CLIP1: variants seen among roughly 807,000 people sequenced by gnomAD.
CLIP1 encodes CAP-Gly domain containing linker protein 1, also known as CAP-Gly domain-containing linker protein 1.
Under a neutral mutation model 161.6 loss-of-function variants are expected in CLIP1, and 66 were observed. That is an observed-to-expected ratio of 0.41 (90% CI 0.33 to 0.50). The LOEUF (loss-of-function observed/expected upper bound fraction) is 0.50. Ranked by LOEUF, CLIP1 falls within the 20% of genes least tolerant of loss-of-function variation. The pLI, the probability that CLIP1 is intolerant of heterozygous loss-of-function variation, is 0.27. For missense variants in CLIP1, 1,376 were observed against 1,702.0 expected, an observed-to-expected ratio of 0.81 and a Z score of 3.37; for synonymous variants, 598 against 626.2, an observed-to-expected ratio of 0.96 and a Z score of 0.67.
intron 20 of CLIP1, among the ~76,000 whole-genome samples, chr12:122,307,362 G>C (rs2136481831): frequency 6.6e-6 from 1 of 152,120 alleles, no homozygotes; most frequent in East Asian, 1.9e-4. Context: ...TATCTCTGAG[G>C]TAGGTTGTGA....
At chr12:122,314,858 C>A (rs1951201741) in intron 19 of CLIP1, among the ~76,000 whole-genome samples, 1 of 152,176 alleles carries the variant, frequency 6.6e-6, no homozygotes, top group Admixed American at 6.5e-5. Context: ...GTCATGGTGA[C>A]CCATCTTCTA....
rs1555253370 is a variant in CLIP1 at position 122,275,644 on chromosome 12, G to GCACACACGCACACACACACACA, written c.3967-1483_3967-1482insTGTGTGTGTGTGTGCGTGTGTG. On this transcript the variant is annotated intron_variant, in intron 24 of 25. Transcript: ENST00000620786. Reference sequence around the variant, plus strand: ...AAAAAATACACACACACACACACGCGCACACACACACACACACACACACAC... The same window carrying GCACACACGCACACACACACACA: ...AAAAAATACACACACACACACACGCGCACACACGCACACACACACACACACACACACACACACACACACACAC... The GCACACACGCACACACACACACA allele has an allele frequency of 5.4e-4, 80 of 147,650 alleles. 2 individuals carry two copies. The highest frequency in any genetic ancestry group is 1.9e-3 in the African/African-American group (74 of 39,378). 9.1% of individuals were successfully genotyped at this position (147,650 alleles called of 1,614,324 possible).
At chr12:122,336,799 A>G in intron 11 of CLIP1, 51 bp from the exon 12 acceptor site, 1 of 770,182 alleles carries the variant, frequency 1.3e-6, no homozygotes, top group Non-Finnish European at 2.0e-6. Flanking sequence ...AAGGAAAACA[A>G]AAGAGAATGA....
intron 18 of CLIP1, 82 bp from the exon 19 acceptor site, chr12:122,316,937 G>A: frequency 4.9e-6 from 4 of 823,590 alleles, no homozygotes; most frequent in South Asian, 4.0e-5. Context: ...ATGAAAATGT[G>A]TACTGAAAAG....
chr12:122,271,501 T>C lies in CLIP1; in HGVS notation c.*1374A>G, dbSNP rs755423310. 41 of 152,660 alleles carry C rather than the reference T, an allele frequency of 2.7e-4. No homozygotes were observed. Among genetic ancestry groups the C allele is most frequent in the Admixed American group, 2.6e-3 (39 of 15,276 alleles). 9.5% of individuals were successfully genotyped at this position (152,660 alleles called of 1,614,324 possible). ...GGCCAAATTTTAATACTGCTTTACA[T>C]GTTTTCTGTTTGTGAAACAATTCGT... On this transcript the variant is annotated 3_prime_UTR_variant, in exon 26 of 26. Coordinates refer to ENST00000620786, the MANE Select transcript of CLIP1 (RefSeq NM_001247997.2).
intron 3 of CLIP1, among the ~76,000 whole-genome samples, chr12:122,372,352 G>A (rs1486255082): frequency 2.0e-5 from 3 of 151,906 alleles, no homozygotes; most frequent in South Asian, 2.1e-4. Flanking sequence ...CCCGGGAGGC[G>A]GAGGTTGCAG....
At chr12:122,298,751 T>G (rs766868681) in intron 20 of CLIP1, among the ~76,000 whole-genome samples, 1 of 151,918 alleles carries the variant, frequency 6.6e-6, no homozygotes, top group Non-Finnish European at 1.5e-5. Context: ...AGTCAGGAGT[T>G]CAAGACCAGC....
At chr12:122,301,948 C>A (rs1471843270) in intron 20 of CLIP1, among the ~76,000 whole-genome samples, 2 of 152,142 alleles carry the variant, frequency 1.3e-5, no homozygotes, top group Non-Finnish European at 2.9e-5. Context: ...TGTCTGGAGA[C>A]GATGCTCTTG....
chr12:122,309,698 G>A lies in CLIP1; in HGVS notation c.3594+64C>T, dbSNP rs61733292. 3.1e-4 allele frequency: 500 copies of A among 1,597,520 alleles called. 3 individuals carry two copies. The African/African-American group carries it at 5.3e-3, about 17-fold the overall frequency. On this transcript the variant is annotated intron_variant, in intron 20 of 25. Transcript: ENST00000620786. ...GCAGACCTCCGAGTGGCCTCTGAGC[G>A]TGCTGCCAACAGCAGCAGCACCCAG...
intron 1 of CLIP1, among the ~76,000 whole-genome samples, chr12:122,385,369 C>T (rs750108043): frequency 2.0e-5 from 3 of 152,282 alleles, no homozygotes; most frequent in South Asian, 4.1e-4. Flanking sequence ...GCTGCTGCAG[C>T]GACGACACTG....
Position 122,347,315 on chromosome 12 carries a change from C to T in CLIP1, c.1506+60G>A, listed in dbSNP as rs984840040. The stretch of plus-strand genomic sequence containing the variant: ...CTCAGGCCAACTATAAAGCATGTCA[C>T]CTGAGGTGTCCACCCTTCACATGCA... On this transcript the variant is annotated intron_variant, in intron 10 of 25. Coordinates refer to ENST00000620786, the MANE Select transcript of CLIP1 (RefSeq NM_001247997.2). 13 of 1,250,336 alleles carry T rather than the reference C, an allele frequency of 1.0e-5. No individual in the cohort carries two copies. The African/African-American group carries it at 1.6e-4, about 16-fold the overall frequency. 77.5% of individuals were successfully genotyped at this position (1,250,336 alleles called of 1,614,324 possible). A position where few individuals can be genotyped will look rare whatever the true frequency, so the allele number is the denominator to read the frequency against.
At chr12:122,286,125 A>T (rs1403659317) in intron 21 of CLIP1, among the ~76,000 whole-genome samples, 1 of 152,194 alleles carries the variant, frequency 6.6e-6, no homozygotes, top group Non-Finnish European at 1.5e-5. Flanking sequence ...ATTCTGCAGC[A>T]ACTGCTGGAT....
chr12:122,373,260 A>G (rs1489415839), intron 3 of CLIP1, among the ~76,000 whole-genome samples: 2 of 152,052 alleles, frequency 1.3e-5, no homozygotes, highest in Non-Finnish European at 2.9e-5. Context: ...CCCCATCTCT[A>G]CTAAAAATAC....
intron 1 of CLIP1, among the ~76,000 whole-genome samples, chr12:122,390,199 T>TATATATATA (rs1955553440): frequency 8.6e-6 from 1 of 116,900 alleles, no homozygotes; most frequent in Non-Finnish European, 1.8e-5. Context: ...ATATATATAA[T>TATATATATA]ATATATATAC....
At chr12:122,278,982 G>A (rs201024409) in intron 22 of CLIP1, 40 bp from the exon 23 acceptor site, 20 of 1,605,238 alleles carry the variant, frequency 1.2e-5, no homozygotes, top group Admixed American at 8.5e-5. Context: ...GGGTTTGAAC[G>A]AAAGGAGGCC....
intron 1 of CLIP1, among the ~76,000 whole-genome samples, chr12:122,388,082 G>A (rs969520081): frequency 1.3e-5 from 2 of 152,128 alleles, no homozygotes; most frequent in South Asian, 2.1e-4. Flanking sequence ...CATAAAACAT[G>A]CATTTCTATA....
chr12:122,316,171 G>A (rs972941856), intron 19 of CLIP1, among the ~76,000 whole-genome samples: 1 of 151,292 alleles, frequency 6.6e-6, no homozygotes, highest in African/African-American at 2.4e-5. Context: ...GTTAAGACTG[G>A]CTGTTCTGAT....
At chr12:122,321,018 T>TTAAA (rs56780235) in intron 17 of CLIP1, among the ~76,000 whole-genome samples, 18,071 of 144,966 alleles carry the variant, frequency 0.12, 1,285 homozygotes, top group African/African-American at 0.18. Context: ...AGACTCTGTC[T>TTAAA]TAAATAAATA....
rs751177557 is a variant in CLIP1 at position 122,288,554 on chromosome 12, C to G, written c.3595-13G>C. ...TTTCTTCTTCCAGCTAGGAAAAAAA[C>G]ACAAAAAACTTCAGTTCATAACCAG... On this transcript the variant is annotated splice_polypyrimidine_tract_variant and intron_variant, in intron 20 of 25. Transcript: ENST00000620786. 6.2e-7 allele frequency: 1 copy of G among 1,602,896 alleles called. No homozygotes were observed. Among genetic ancestry groups the G allele is most frequent in the Non-Finnish European group, 8.5e-7 (1 of 1,178,962 alleles).
Sources: allele counts gnomAD v4.1 joint callset (sites outside exome capture counted in the v4.1 genomes callset), GRCh38; gene constraint gnomAD v4.1.1; transcripts MANE v1.5; gene names NCBI Gene and HGNC (gene_info 2026-07-23, HGNC 2026-07-21).